RERG: variants seen among roughly 807,000 people sequenced by gnomAD.
The protein encoded by RERG is ras-related and estrogen-regulated growth inhibitor.
A neutral mutation model predicts 23.2 loss-of-function variants in RERG; 25 were observed. The ratio of observed to expected loss-of-function variants is 1.08; its 90% CI spans 0.79 to 1.50. RERG has a LOEUF of 1.50. Ranked by LOEUF, RERG falls within the 40% of genes most tolerant of loss-of-function variation. The pLI, the probability that RERG is intolerant of heterozygous loss-of-function variation, is 0.00. For synonymous variants in RERG, 81 were observed against 89.1 expected (o/e 0.91, Z 0.51); for missense variants, 253 against 250.1 (o/e 1.01, Z -0.08).
intron 2 of RERG, among the ~76,000 whole-genome samples, chr12:15,162,446 T>G (rs534347907): frequency 6.6e-6 from 1 of 152,310 alleles, no homozygotes; most frequent in East Asian, 1.9e-4. Context: ...AGAACCCCAT[T>G]AGAGTTTTCT....
chr12:15,119,090 G>C (rs926115974), intron 3 of RERG, among the ~76,000 whole-genome samples: 1 of 152,152 alleles, frequency 6.6e-6, no homozygotes. Flanking sequence ...AGCCTCCAGT[G>C]TGAGAGAATT....
intron 2 of RERG, among the ~76,000 whole-genome samples, chr12:15,176,050 A>G: frequency 6.6e-6 from 1 of 152,212 alleles, no homozygotes. Flanking sequence ...TAGAAGTCTA[A>G]AACGTTATTA....
At chr12:15,179,561 C>T (rs891783714) in intron 2 of RERG, among the ~76,000 whole-genome samples, 1 of 152,144 alleles carries the variant, frequency 6.6e-6, no homozygotes, top group African/African-American at 2.4e-5. Context: ...GGCTTATGCC[C>T]CTGATTGTAT....
rs185024259 is a variant in RERG, at chr12:15,215,995, T to G, written c.61+1434A>C. Among the ~76,000 whole-genome samples, 526 of 152,318 alleles carry G rather than the reference T, an allele frequency of 3.5e-3. 1 individual carries two copies. The highest frequency in any genetic ancestry group is 5.7e-3 in the Non-Finnish European group (390 of 68,024). ...GTTTTAAAAAATCTCCTTCCCTTAT[T>G]GCCTTTGGAAGTCTGGAATGAAGGA... On this transcript the variant is annotated intron_variant, in intron 2 of 4. Transcript: ENST00000256953.
At chr12:15,146,500 CG>C (rs1864335433) in intron 2 of RERG, among the ~76,000 whole-genome samples, 1 of 152,076 alleles carries the variant, frequency 6.6e-6, no homozygotes, top group African/African-American at 2.4e-5. Context: ...AAAATAAGGT[CG>C]GTATTTTATT....
rs1863548950 is a variant in RERG, at chr12:15,109,033, T to C, written c.*77A>G. On this transcript the variant is annotated 3_prime_UTR_variant, in exon 5 of 5. Coordinates refer to ENST00000256953, the MANE Select transcript of RERG (RefSeq NM_032918.3). ...CTCAGAATCCAAACAAAGAATGCAA[T>C]ATTTTGTTTTATTTTTGAAAGGGGA... 2.3e-6 allele frequency: 3 copies of C among 1,301,144 alleles called. No homozygotes were observed. Among genetic ancestry groups the C allele is most frequent in the Admixed American group, 2.4e-5 (1 of 41,582 alleles). 80.6% of individuals were successfully genotyped at this position (1,301,144 alleles called of 1,614,324 possible).
At chr12:15,146,313 T>C (rs1031407415) in intron 2 of RERG, among the ~76,000 whole-genome samples, 4 of 152,242 alleles carry the variant, frequency 2.6e-5, no homozygotes, top group Non-Finnish European at 5.9e-5. Context: ...TAATAATTTA[T>C]AGTAATACTG....
At chr12:15,154,123 T>C (rs1046132315) in intron 2 of RERG, 1 of 152,252 alleles carries the variant, frequency 6.6e-6, no homozygotes, top group Non-Finnish European at 1.5e-5. Context: ...TCCAGAAGCA[T>C]GAGGCAGTAA....
intron 2 of RERG, among the ~76,000 whole-genome samples, chr12:15,216,564 C>T (rs544826989): frequency 1.3e-5 from 2 of 152,306 alleles, no homozygotes; most frequent in East Asian, 3.9e-4. Context: ...CAAACATGCA[C>T]CTACCAGATA....
At chr12:15,141,822 T>C (rs1454884806) in intron 2 of RERG, among the ~76,000 whole-genome samples, 7 of 152,234 alleles carry the variant, frequency 4.6e-5, no homozygotes, top group Admixed American at 2.6e-4. Context: ...GTTCCAGTAA[T>C]GTTCTAGAGC....
chr12:15,131,627 G>A (rs1864048330), intron 2 of RERG, among the ~76,000 whole-genome samples: 1 of 152,108 alleles, frequency 6.6e-6, no homozygotes, highest in South Asian at 2.1e-4. Context: ...GTGACTCAGA[G>A]TGACTAAGTA....
rs553439064 is a variant in RERG, at chr12:15,202,128, G to A, written c.61+15301C>T. On this transcript the variant is annotated intron_variant, in intron 2 of 4. Transcript: ENST00000256953. The stretch of plus-strand genomic sequence containing the variant: ...AGTTTCATTGGAATATAATTAATAG[G>A]TGAAAAAACTGTATATATTTAATGT... Among the ~76,000 whole-genome samples the A allele has an allele frequency of 5.3e-5, 8 of 151,522 alleles. No individual in the cohort carries two copies. The South Asian group carries it at 1.5e-3, about 27-fold the overall frequency.
chr12:15,168,267 G>C (rs558138563), intron 2 of RERG, among the ~76,000 whole-genome samples: 1 of 152,282 alleles, frequency 6.6e-6, no homozygotes, highest in South Asian at 2.1e-4. Context: ...GCATCATTTA[G>C]CTTCTTCGTT....
intron 2 of RERG, among the ~76,000 whole-genome samples, chr12:15,154,909 G>T (rs952540380): frequency 5.9e-5 from 9 of 152,192 alleles, no homozygotes; most frequent in African/African-American, 2.2e-4. Flanking sequence ...AAATGAAATT[G>T]TAGTATTATA....
chr12:15,207,637 T>C (rs1459348328), intron 2 of RERG, among the ~76,000 whole-genome samples: 1 of 152,112 alleles, frequency 6.6e-6, no homozygotes, highest in East Asian at 1.9e-4. Flanking sequence ...GTCTCTTTGA[T>C]TCCAGGTCCA....
At chr12:15,141,063 T>C (rs1864229835) in intron 2 of RERG, among the ~76,000 whole-genome samples, 1 of 152,110 alleles carries the variant, frequency 6.6e-6, no homozygotes, top group Non-Finnish European at 1.5e-5. Flanking sequence ...CTACAGTTCT[T>C]AGATACCCAG....
At chr12:15,209,533 G>A (rs1160880240) in intron 2 of RERG, among the ~76,000 whole-genome samples, 3 of 151,756 alleles carry the variant, frequency 2.0e-5, no homozygotes, top group African/African-American at 7.3e-5. Context: ...CACTTGATCC[G>A]AGGCTATAAG....
chr12:15,220,294 T>TC (rs1273636715), intron 1 of RERG, among the ~76,000 whole-genome samples: 1 of 152,186 alleles, frequency 6.6e-6, no homozygotes, highest in African/African-American at 2.4e-5. Context: ...ACATCTCAGC[T>TC]GCTATCACTC....
intron 2 of RERG, among the ~76,000 whole-genome samples, chr12:15,129,783 A>G (rs866781673): frequency 2.6e-5 from 4 of 152,082 alleles, no homozygotes; most frequent in Non-Finnish European, 5.9e-5. Context: ...AGCCCAGACT[A>G]TAAAGTAGCT....
Sources: allele counts gnomAD v4.1 joint callset (sites outside exome capture counted in the v4.1 genomes callset), GRCh38; gene constraint gnomAD v4.1.1; transcripts MANE v1.5; gene names NCBI Gene and HGNC (gene_info 2026-07-23, HGNC 2026-07-21).